Variants in GPN2 observed in about 807,000 individuals in gnomAD.
GPN2 encodes the protein ATP-binding domain 1 family member B.
Under a neutral mutation model 30.1 loss-of-function variants are expected in GPN2, and 27 were observed. The ratio of observed to expected loss-of-function variants is 0.90; its 90% CI spans 0.66 to 1.24. The LOEUF is 1.24. GPN2 is among the 50% of genes most tolerant of loss of function. The probability of loss-of-function intolerance (pLI) is 0.00; values close to 1 mark genes in which losing one functional copy is unlikely to be tolerated. For synonymous variants in GPN2, 212 were observed against 174.4 expected (o/e 1.22, Z -1.70); for missense variants, 406 against 405.4 (o/e 1.00, Z -0.01).
At position 26,886,141 on chromosome 1, in the gene GPN2, G is replaced by C. The variant is rs2124001182; in HGVS notation, c.569-8C>G. On this transcript the variant is annotated splice_region_variant and splice_polypyrimidine_tract_variant and intron_variant, in intron 2 of 4. Transcript: ENST00000374135. Reference sequence around the variant, plus strand: ...AGTAGTCCAGGTTGAAGGCTAAAGAGAGAAACCAGTGTTCAGGAGCAACCA... The same window carrying C: ...AGTAGTCCAGGTTGAAGGCTAAAGACAGAAACCAGTGTTCAGGAGCAACCA... 6.2e-7 allele frequency: 1 copy of C among 1,611,290 alleles called. No homozygotes were observed. Among genetic ancestry groups the C allele is most frequent in the Non-Finnish European group, 8.5e-7 (1 of 1,177,814 alleles).
chr1:26,880,883 T>G (rs1050274643), intron 4 of GPN2, among the ~76,000 whole-genome samples: 4 of 152,216 alleles, frequency 2.6e-5, no homozygotes, highest in African/African-American at 9.6e-5. Flanking sequence ...AACCCTCACC[T>G]TGAAATGACA....
Position 26,884,188 on chromosome 1 carries a change from C to A in GPN2, c.832G>T (p.Ala278Ser), listed in dbSNP as rs138520813. The A allele has an allele frequency of 2.4e-5, 39 of 1,613,700 alleles. No homozygotes were observed. Among genetic ancestry groups the A allele is most frequent in the Non-Finnish European group, 3.3e-5 (39 of 1,179,816 alleles). The change falls in exon 4 of 5, where the codon GCA becomes TCA. Residue 278 changes from alanine (A) to serine (S), a missense_variant. Coordinates refer to ENST00000374135, the MANE Select transcript of GPN2 (RefSeq NM_018066.4). ...GAGAAATGGAAGTCGGCTCCCATTG[C>A]GGCAGACATCATGGCTTCCAAGCTT... ...QRSLEAMMSA[A>S]MGADFHFSST... is the part of the protein sequence containing the mutation.
rs1489333581 is a variant in GPN2, at chr1:26,890,238, G to T, written c.-142C>A. 2 of 712,402 alleles carry T rather than the reference G, an allele frequency of 2.8e-6. No homozygotes were observed. The highest frequency in any genetic ancestry group is 5.8e-5 in the East Asian group (2 of 34,558). 44.1% of individuals were successfully genotyped at this position (712,402 alleles called of 1,614,324 possible). ...CACTCGCCTCAGGCGGAACAGCTGA[G>T]ACCGTGTCGCGCAAAAGGAGATAAC... On this transcript the variant is annotated 5_prime_UTR_variant, in exon 1 of 5. Transcript: ENST00000374135.
intron 4 of GPN2, among the ~76,000 whole-genome samples, chr1:26,880,541 G>C (rs1209345445): frequency 6.6e-6 from 1 of 152,106 alleles, no homozygotes; most frequent in Non-Finnish European, 1.5e-5. Flanking sequence ...TCGATCTCCT[G>C]ACCTCGTGAT....
chr1:26,880,004 T>C (rs2081856593), intron 4 of GPN2, among the ~76,000 whole-genome samples: 1 of 152,202 alleles, frequency 6.6e-6, no homozygotes. Flanking sequence ...TTATGGCACA[T>C]GCTCTGGAGC....
Position 26,884,284 on chromosome 1 carries a change from C to G in GPN2, c.736G>C (p.Glu246Gln), listed in dbSNP as rs770238386. Residue 246 changes from glutamate (E) to glutamine (Q), a missense_variant, in exon 4 of 5, where the codon GAG (glutamate) becomes CAG (glutamine). By Grantham distance (29) the Glu-to-Gln change is conservative. Transcript: ENST00000374135. ...SFIPLNIQDK[E>Q]SIQRVLQAVD... ...GCCTGCAGGACTCGCTGGATGCTCT[C>G]CTTGTCCTGAGCAGGGAGGAGAGAA... 6.2e-6 allele frequency: 10 copies of G among 1,610,120 alleles called. No homozygotes were observed. Among genetic ancestry groups the G allele is most frequent in the Middle Eastern group, 3.4e-4 (2 of 5,868 alleles).
chr1:26,879,800 G>T, intron 4 of GPN2, 51 bp from the exon 5 acceptor site: 1 of 1,282,298 alleles, frequency 7.8e-7, no homozygotes, highest in South Asian at 1.2e-5. Context: ...ATGGGGAGCT[G>T]GTCTGGGCAG....
Position 26,876,881 on chromosome 1 carries a change from G to A in GPN2, c.*2796C>T, listed in dbSNP as rs2081839933. On this transcript the variant is annotated 3_prime_UTR_variant, in exon 5 of 5. Coordinates refer to ENST00000374135, the MANE Select transcript of GPN2 (RefSeq NM_018066.4). ...GAGAATGCTGAGGGTGCTTGCATACGAGACCATAAAGTTGTAAAGGATGCC... is the reference window on the plus strand; with the variant it reads ...GAGAATGCTGAGGGTGCTTGCATACAAGACCATAAAGTTGTAAAGGATGCC... The A allele has an allele frequency of 6.6e-6, 1 of 151,622 alleles. No individual in the cohort carries two copies. Among genetic ancestry groups the A allele is most frequent in the African/African-American group, 2.4e-5 (1 of 41,262 alleles). 9.4% of individuals were successfully genotyped at this position (151,622 alleles called of 1,614,324 possible). A position where few individuals can be genotyped will look rare whatever the true frequency, so the allele number is the denominator to read the frequency against.
chr1:26,883,900 C>T (rs1390256961), intron 4 of GPN2, among the ~76,000 whole-genome samples: 2 of 151,682 alleles, frequency 1.3e-5, no homozygotes, highest in African/African-American at 4.8e-5. Flanking sequence ...ATTAGCTGGG[C>T]GTGGTGGTGG....
chr1:26,883,272 T>TA (rs1159866772), intron 4 of GPN2, among the ~76,000 whole-genome samples: 1 of 152,136 alleles, frequency 6.6e-6, no homozygotes, highest in African/African-American at 2.4e-5. Flanking sequence ...GCCCTGCCTG[T>TA]ACCCCTGCAA....
intron 4 of GPN2, among the ~76,000 whole-genome samples, chr1:26,880,504 G>A (rs1028317299): frequency 2.0e-5 from 3 of 152,144 alleles, no homozygotes; most frequent in Admixed American, 2.0e-4. Context: ...GTAGAGACAG[G>A]GTTTCACCAT....
chr1:26,888,827 A>G (rs1464480484), intron 2 of GPN2, 142 bp downstream of exon 2: 3 of 753,402 alleles, frequency 4.0e-6, no homozygotes, highest in African/African-American at 3.5e-5. Flanking sequence ...GGCACAAAAT[A>G]AATGGGCAGG....
rs992666705 is a variant in GPN2, at chr1:26,890,255, G to A, written c.-159C>T. On this transcript the variant is annotated 5_prime_UTR_variant, in exon 1 of 5. Transcript: ENST00000374135. ...ACAGCTGAGACCGTGTCGCGCAAAA[G>A]GAGATAACAGGCCGATACTAACTAG... 7.9e-6 allele frequency: 5 copies of A among 631,650 alleles called. No individual in the cohort carries two copies. Among genetic ancestry groups the A allele is most frequent in the South Asian group, 4.5e-5 (2 of 44,096 alleles). The allele number at this position is 631,650 out of a possible 1,614,324, so 39.1% of individuals were successfully genotyped here.
Position 26,879,608 on chromosome 1 carries a change from C to T in GPN2, c.*69G>A. On this transcript the variant is annotated 3_prime_UTR_variant, in exon 5 of 5. Transcript: ENST00000374135. ...GAGGACTTGCTCTTGGGTCTGCAGC[C>T]TGCATCAGGAGCCTCCACTTTCCCC... The T allele has an allele frequency of 8.4e-7, 1 of 1,186,022 alleles. No homozygotes were observed. The highest frequency in any genetic ancestry group is 2.4e-5 in the East Asian group (1 of 41,152). The allele number at this position is 1,186,022 out of a possible 1,614,324, so 73.5% of individuals were successfully genotyped here. A position where few individuals can be genotyped will look rare whatever the true frequency, so the allele number is the denominator to read the frequency against.
intron 4 of GPN2, among the ~76,000 whole-genome samples, 184 bp downstream of exon 4, chr1:26,883,976 C>T (rs2081877151): frequency 1.3e-5 from 2 of 148,280 alleles, no homozygotes; most frequent in Admixed American, 6.9e-5. Context: ...GGAGGCAGAG[C>T]TTGCAGTGAG....
chr1:26,885,428 C>T (rs1266852465), intron 3 of GPN2, among the ~76,000 whole-genome samples: 1 of 151,262 alleles, frequency 6.6e-6, no homozygotes, highest in Non-Finnish European at 1.5e-5. Context: ...TCACAGAGGA[C>T]AGAACATGTG....
chr1:26,885,696 C>G (rs2081886984), intron 3 of GPN2, among the ~76,000 whole-genome samples: 1 of 151,716 alleles, frequency 6.6e-6, no homozygotes, highest in African/African-American at 2.4e-5. Flanking sequence ...TCTCCTGCCT[C>G]AGCCTCCTGA....
chr1:26,889,650 C>T (rs775925955), intron 1 of GPN2, 36 bp downstream of exon 1: 2 of 1,542,474 alleles, frequency 1.3e-6, no homozygotes, highest in South Asian at 1.2e-5. Flanking sequence ...TCAGTTACTC[C>T]ATCCGCAAAA....
chr1:26,885,908 C>T, intron 3 of GPN2, 65 bp downstream of exon 3: 3 of 1,300,076 alleles, frequency 2.3e-6, no homozygotes, highest in South Asian at 2.5e-5. Context: ...GCCCTCAAAG[C>T]TTCCTGTGCT....
Sources: allele counts gnomAD v4.1 joint callset (sites outside exome capture counted in the v4.1 genomes callset), GRCh38; gene constraint gnomAD v4.1.1; transcripts MANE v1.5; gene names NCBI Gene and HGNC (gene_info 2026-07-23, HGNC 2026-07-21).